Variants in HHIPL1 observed in about 807,000 individuals in gnomAD.
HHIPL1 encodes the protein HHIP-like protein 1.
HHIPL1 carries 43 observed loss-of-function variants against 61.8 expected under a neutral mutation model. The observed-to-expected ratio is 0.70, with a 90% CI of 0.55 to 0.90. HHIPL1 has a LOEUF of 0.90. Ranked by LOEUF, HHIPL1 falls within the 40% of genes least tolerant of loss-of-function variation. The probability of loss-of-function intolerance (pLI) is 0.00; values close to 1 mark genes in which losing one functional copy is unlikely to be tolerated. For synonymous variants in HHIPL1, 482 were observed against 515.8 expected (o/e 0.93, Z 0.89); for missense variants, 1,056 against 1,157.7 (o/e 0.91, Z 1.28).
At chr14:99,612,312 C>G in the HHIPL1 span, among the ~76,000 whole-genome samples, 2 of 152,130 alleles carry the variant, frequency 1.3e-5, no homozygotes, top group Non-Finnish European at 2.9e-5. Flanking sequence ...GGGATTATTA[C>G]AATTCAAGGT....
chr14:99,657,116 T>C lies in HHIPL1; in HGVS notation c.1019T>C (p.Phe340Ser). ...TGDGGMAGDP[F>S]GTFGNAQNKS... ...GATGGCGGGATGGCCGGAGACCCCT[T>C]TGGGACATTTGGAAATGCCCAAAAC... Residue 340 changes from phenylalanine to serine, a missense_variant, in exon 3 of 9, where the codon TTT becomes TCT. Coordinates refer to ENST00000330710, the MANE Select transcript of HHIPL1 (RefSeq NM_001127258.3). 2 of 1,613,334 alleles carry C rather than the reference T, an allele frequency of 1.2e-6. No homozygotes were observed. Among genetic ancestry groups the C allele is most frequent in the Admixed American group, 1.7e-5 (1 of 59,874 alleles).
intron 1 of HHIPL1, 59 bp downstream of exon 1, chr14:99,645,521 G>C: frequency 4.8e-6 from 6 of 1,247,410 alleles, no homozygotes; most frequent in Non-Finnish European, 6.0e-6. Context: ...TCCTGGAGCA[G>C]AGATCGGAAC....
chr14:99,607,472 C>T, the HHIPL1 span, among the ~76,000 whole-genome samples: 1 of 152,144 alleles, frequency 6.6e-6, no homozygotes, highest in African/African-American at 2.4e-5. Context: ...TTTAAAGACT[C>T]TCCCAGGATG....
chr14:99,656,836 A>AAAGAAAGAAAGAAAGAAAGAAAGG (rs2056044534), intron 2 of HHIPL1, among the ~76,000 whole-genome samples, 164 bp from the exon 3 acceptor site: 1 of 7,094 alleles, frequency 1.4e-4, no homozygotes, highest in African/African-American at 2.4e-4. Flanking sequence ...AGAAAGAAAG[A>AAAGAAAGAAAGAAAGAAAGAAAGG]AAGGAAGGAA....
In HHIPL1 at chr14:99,656,878, AGG is replaced by A. The variant is rs1566810127; in HGVS notation, c.903-121_903-120del. ...AAGGAAGGAAGGAAGGAAGGAAGGA[AGG>A]AAGGAAGGAAGGAAGGTCTTTTCCA... On this transcript the variant is annotated intron_variant, in intron 2 of 8. Transcript: ENST00000330710. 103 of 140,392 alleles carry A rather than the reference AGG, an allele frequency of 7.3e-4. 25 individuals carry two copies. The highest frequency in any genetic ancestry group is 2.7e-3 in the Admixed American group (17 of 6,192). 8.7% of individuals were successfully genotyped at this position (140,392 alleles called of 1,614,324 possible).
intron 6 of HHIPL1, among the ~76,000 whole-genome samples, chr14:99,666,867 G>A (rs550731278): frequency 1.6e-4 from 24 of 152,314 alleles, no homozygotes; most frequent in African/African-American, 4.8e-4. Flanking sequence ...ACCACTCAGC[G>A]TACTGCTCTC....
At chr14:99,646,107 G>A (rs1368384877) in intron 1 of HHIPL1, among the ~76,000 whole-genome samples, 1 of 152,252 alleles carries the variant, frequency 6.6e-6, no homozygotes, top group Non-Finnish European at 1.5e-5. Context: ...AAGCCCCTGG[G>A]CCCCCCATCT....
the HHIPL1 span, among the ~76,000 whole-genome samples, chr14:99,619,817 A>G: frequency 1.3e-5 from 2 of 151,542 alleles, no homozygotes; most frequent in East Asian, 3.9e-4. Flanking sequence ...TCTGTTATAC[A>G]GAACTCCTAT....
At chr14:99,616,581 G>A in the HHIPL1 span, among the ~76,000 whole-genome samples, 1 of 152,130 alleles carries the variant, frequency 6.6e-6, no homozygotes, top group Admixed American at 6.6e-5. Context: ...ATAGAGAAAA[G>A]TTGCAGAATC....
the HHIPL1 span, among the ~76,000 whole-genome samples, chr14:99,636,731 T>A: frequency 6.6e-6 from 1 of 151,842 alleles, no homozygotes; most frequent in Non-Finnish European, 1.5e-5. Context: ...TGCATGCATG[T>A]AATGTCAGCA....
Position 99,675,371 on chromosome 14 carries a change from C to G in HHIPL1, c.2094C>G (p.Thr698=), listed in dbSNP as rs1040612599. The change falls in exon 9 of 9, where the codon ACC becomes ACG. Residue 698 remains threonine, a synonymous_variant. Transcript: ENST00000330710. This position sits in a 1 kb window ranked among gnomAD's most constrained non-coding sequence, Gnocchi z 5.4. The part of the protein sequence containing the change: ...VEVFVGGRWG[T]VCDDSWNISG... ...TGTTCGTGGGCGGACGCTGGGGCAC[C>G]GTGTGCGACGACTCCTGGAACATCA... 1.3e-6 allele frequency: 2 copies of G among 1,509,412 alleles called. No individual in the cohort carries two copies. Among genetic ancestry groups the G allele is most frequent in the South Asian group, 1.2e-5 (1 of 80,884 alleles). The allele number at this position is 1,509,412 out of a possible 1,614,324, so 93.5% of individuals were successfully genotyped here. A position where few individuals can be genotyped will look rare whatever the true frequency, so the allele number is the denominator to read the frequency against.
upstream of HHIPL1, among the ~76,000 whole-genome samples, chr14:99,644,192 C>T (rs1364528641): frequency 2.0e-5 from 3 of 152,114 alleles, no homozygotes; most frequent in African/African-American, 7.2e-5. Context: ...AACATGATCC[C>T]CCAGGACAGT....
chr14:99,675,642 C>T lies in HHIPL1; in HGVS notation c.*16C>T. On this transcript the variant is annotated 3_prime_UTR_variant, in exon 9 of 9. Transcript: ENST00000330710. The surrounding 1 kb of genome is among the most constrained non-coding windows in gnomAD (Gnocchi z 5.4). ...CGACCTGTAGGCAACACGCCGCTGC[C>T]CCAGGCCATCCCGCCGGCGGGGGAG... The T allele has an allele frequency of 6.7e-7, 1 of 1,488,324 alleles. No homozygotes were observed. The highest frequency in any genetic ancestry group is 8.9e-7 in the Non-Finnish European group (1 of 1,119,228). The allele number at this position is 1,488,324 out of a possible 1,614,324, so 92.2% of individuals were successfully genotyped here.
At position 99,645,478 on chromosome 14, in the gene HHIPL1, G is replaced by A; in HGVS notation, c.255+16G>A. The stretch of plus-strand genomic sequence containing the variant: ...GCTGTGCCAGGTGAGCGGGCGCGCG[G>A]CCACCGGGCGGGGCGGGGCGCGGGA... On this transcript the variant is annotated intron_variant, in intron 1 of 8. Coordinates refer to ENST00000330710, the MANE Select transcript of HHIPL1 (RefSeq NM_001127258.3). 2 of 1,269,384 alleles carry A rather than the reference G, an allele frequency of 1.6e-6. No homozygotes were observed. Among genetic ancestry groups the A allele is most frequent in the South Asian group, 2.9e-5 (1 of 34,948 alleles). 78.6% of individuals were successfully genotyped at this position (1,269,384 alleles called of 1,614,324 possible). A position where few individuals can be genotyped will look rare whatever the true frequency, so the allele number is the denominator to read the frequency against.
the HHIPL1 span, among the ~76,000 whole-genome samples, chr14:99,634,750 G>A: frequency 1.3e-5 from 2 of 152,232 alleles, no homozygotes; most frequent in African/African-American, 4.8e-5. Context: ...GGACCATCTA[G>A]CTGGGGGAAC....
intron 8 of HHIPL1, among the ~76,000 whole-genome samples, chr14:99,673,881 G>C (rs1418794569): frequency 8.7e-6 from 1 of 115,130 alleles, no homozygotes; most frequent in Non-Finnish European, 1.8e-5. Flanking sequence ...TGCACGGGGG[G>C]GTGCACCTGG....
chr14:99,642,098 C>T (rs2055759418), upstream of HHIPL1, among the ~76,000 whole-genome samples: 1 of 152,080 alleles, frequency 6.6e-6, no homozygotes, highest in South Asian at 2.1e-4. Flanking sequence ...CGTCACCATG[C>T]CTGGCTAATT....
At chr14:99,637,216 G>GAAAGAAAT in the HHIPL1 span, among the ~76,000 whole-genome samples, 1 of 121,632 alleles carries the variant, frequency 8.2e-6, no homozygotes, top group Non-Finnish European at 1.7e-5. Flanking sequence ...AAGAAAGAAA[G>GAAAGAAAT]AAAGAAAGAA....
the HHIPL1 span, among the ~76,000 whole-genome samples, chr14:99,620,912 G>A: frequency 2.6e-5 from 4 of 152,340 alleles, no homozygotes; most frequent in East Asian, 7.7e-4. Context: ...TTCCCCATGA[G>A]AGTGCGGATT....
Sources: gnomAD v4.1 joint callset for allele counts (sites outside exome capture counted in the v4.1 genomes callset) on GRCh38, gnomAD v4.1.1 for gene constraint, Gnocchi (gnomAD v3.1) non-coding constraint, MANE v1.5 for transcripts, NCBI Gene and HGNC (gene_info 2026-07-23, HGNC 2026-07-21) for gene names.